Variants in LAMC1 observed in about 807,000 individuals in gnomAD.
LAMC1 encodes the protein laminin subunit gamma-1.
Under a neutral mutation model 173.6 loss-of-function variants are expected in LAMC1, and 38 were observed. The ratio of observed to expected loss-of-function variants is 0.22; its 90% CI spans 0.17 to 0.29. The LOEUF (loss-of-function observed/expected upper bound fraction) is 0.29, where lower values mean the gene tolerates loss of function less well. LAMC1 is among the 10% of genes least tolerant of loss of function. LAMC1 has a pLI of 1.00. For missense variants in LAMC1, 1,824 were observed against 2,051.8 expected, an observed-to-expected ratio of 0.89 and a Z score of 2.14; for synonymous variants, 746 against 749.1, an observed-to-expected ratio of 1.00 and a Z score of 0.07.
intron 1 of LAMC1, among the ~76,000 whole-genome samples, chr1:183,074,799 T>A (rs1655086838): frequency 6.6e-6 from 1 of 152,150 alleles, no homozygotes; most frequent in Admixed American, 6.5e-5. Flanking sequence ...TCTTGGAAAT[T>A]TTTTATTTAG....
chr1:183,076,832 C>T (rs925179710), intron 1 of LAMC1, among the ~76,000 whole-genome samples: 6 of 151,948 alleles, frequency 3.9e-5, no homozygotes, highest in African/African-American at 1.4e-4. Context: ...GCACTCAAAA[C>T]ATTTGTACAC....
intron 22 of LAMC1, 23 bp from the exon 23 acceptor site, chr1:183,134,637 G>A (rs1489421401): frequency 1.3e-6 from 2 of 1,597,120 alleles, no homozygotes; most frequent in Admixed American, 1.7e-5. Context: ...CCAAAGTGTA[G>A]TGATCTTACT....
chr1:183,061,547 A>AT (rs1338365271), intron 1 of LAMC1, among the ~76,000 whole-genome samples: 1 of 152,102 alleles, frequency 6.6e-6, no homozygotes, highest in African/African-American at 2.4e-5. Flanking sequence ...AACAACATCT[A>AT]TATCTTTTTT....
At chr1:183,085,499 A>T (rs1039328507) in intron 1 of LAMC1, among the ~76,000 whole-genome samples, 2 of 151,508 alleles carry the variant, frequency 1.3e-5, no homozygotes, top group East Asian at 3.9e-4. Context: ...AGGAGCTCGG[A>T]CCACAGGTGC....
intron 1 of LAMC1, among the ~76,000 whole-genome samples, chr1:183,077,551 C>A (rs1181726135): frequency 2.6e-5 from 4 of 151,780 alleles, no homozygotes; most frequent in Admixed American, 6.6e-5. Flanking sequence ...TGTCCCTTGC[C>A]CCCCTCCCAT....
At chr1:183,053,958 A>G (rs1654509905) in intron 1 of LAMC1, among the ~76,000 whole-genome samples, 1 of 152,156 alleles carries the variant, frequency 6.6e-6, no homozygotes, top group Non-Finnish European at 1.5e-5. Context: ...AAAAAGTGTT[A>G]AGATAGGTGA....
intron 1 of LAMC1, among the ~76,000 whole-genome samples, chr1:183,081,575 A>C (rs1485455894): frequency 6.6e-6 from 1 of 150,880 alleles, no homozygotes; most frequent in Non-Finnish European, 1.5e-5. Context: ...TAAATAAATA[A>C]ATAAATAAAT....
intron 8 of LAMC1, 115 bp downstream of exon 8, chr1:183,117,018 A>G (rs777199201): frequency 2.9e-6 from 3 of 1,040,190 alleles, no homozygotes; most frequent in Non-Finnish European, 4.2e-6. Flanking sequence ...AACACTTTGT[A>G]TTATTTAGCA....
chr1:183,141,804 A>G (rs1378773292), intron 27 of LAMC1, among the ~76,000 whole-genome samples: 2 of 152,244 alleles, frequency 1.3e-5, no homozygotes, highest in Admixed American at 6.5e-5. Flanking sequence ...TTTGTTGCCT[A>G]TAGGCTGTGC....
intron 10 of LAMC1, 87 bp from the exon 11 acceptor site, chr1:183,117,947 T>C: frequency 1.2e-6 from 1 of 838,908 alleles, no homozygotes; most frequent in Non-Finnish European, 2.0e-6. Context: ...AGCATTGCAT[T>C]GTTGGGGCAT....
chr1:183,077,342 C>G (rs1431223743), intron 1 of LAMC1, among the ~76,000 whole-genome samples: 1 of 152,144 alleles, frequency 6.6e-6, no homozygotes, highest in Admixed American at 6.5e-5. Context: ...GCAGGAATGC[C>G]TTTCCCTGTA....
At chr1:183,132,790 A>G (rs1656832416) in intron 21 of LAMC1, among the ~76,000 whole-genome samples, 1 of 152,262 alleles carries the variant, frequency 6.6e-6, no homozygotes, top group Non-Finnish European at 1.5e-5. Context: ...ATTGTGCACA[A>G]ATAAAGAAGA....
At chr1:183,124,397 A>G (rs142815707) in intron 13 of LAMC1, among the ~76,000 whole-genome samples, 1 of 152,232 alleles carries the variant, frequency 6.6e-6, no homozygotes, top group African/African-American at 2.4e-5. Context: ...CACAACAATT[A>G]AAGTGAAGTA....
intron 1 of LAMC1, among the ~76,000 whole-genome samples, chr1:183,042,576 G>C (rs538047964): frequency 6.6e-6 from 1 of 152,124 alleles, no homozygotes; most frequent in East Asian, 1.9e-4. Flanking sequence ...CCCAAGTTCT[G>C]GTCTTTCTGG....
rs757338834 is a variant in LAMC1, at chr1:183,023,902, T to C, written c.186T>C (p.Thr62=). The C allele has an allele frequency of 1.2e-6, 2 of 1,613,112 alleles. No homozygotes were observed. The highest frequency in any genetic ancestry group is 2.7e-5 in the African/African-American group (2 of 75,038). Reference sequence around the variant, plus strand: ...TCGTCAACGCCGCCTTCAACGTGACTGTGGTGGCCACCAACACGTGTGGGA... The same window carrying C: ...TCGTCAACGCCGCCTTCAACGTGACCGTGGTGGCCACCAACACGTGTGGGA... The part of the protein sequence containing the change: ...PEFVNAAFNV[T]VVATNTCGTP... Residue 62 remains threonine, a synonymous_variant, in exon 1 of 28, where the codon ACT becomes ACC. Coordinates refer to ENST00000258341, the MANE Select transcript of LAMC1 (RefSeq NM_002293.4).
At position 183,132,454 on chromosome 1, in the gene LAMC1, G is replaced by A. The variant is rs1261428031; in HGVS notation, c.3621G>A (p.Thr1207=). 5 of 1,612,826 alleles carry A rather than the reference G, an allele frequency of 3.1e-6. No individual in the cohort carries two copies. The highest frequency in any genetic ancestry group is 1.1e-5 in the South Asian group (1 of 91,064). ...GAGTGGCAAAGACAGCCAATGATAC[G>A]TCAACTGAGGCATACAACCTGCTTC... ...IVRVAKTAND[T]STEAYNLLLR... Residue 1207 remains threonine (T), a synonymous_variant, in exon 21 of 28, where the codon ACG becomes ACA. Transcript: ENST00000258341.
At chr1:183,081,050 G>C (rs867269935) in intron 1 of LAMC1, among the ~76,000 whole-genome samples, 1 of 151,768 alleles carries the variant, frequency 6.6e-6, no homozygotes, top group Non-Finnish European at 1.5e-5. Context: ...CACCACGCCC[G>C]GCTAATTTTT....
chr1:183,131,619 A>G (rs1486139226), intron 20 of LAMC1, among the ~76,000 whole-genome samples: 1 of 152,212 alleles, frequency 6.6e-6, no homozygotes, highest in Non-Finnish European at 1.5e-5. Context: ...TGGTTTGAAG[A>G]CAAATCATAT....
intron 17 of LAMC1, among the ~76,000 whole-genome samples, chr1:183,128,044 C>A (rs964730651): frequency 6.6e-6 from 1 of 151,994 alleles, no homozygotes; most frequent in Non-Finnish European, 1.5e-5. Context: ...TGTTTGGGGA[C>A]AGGATAGGAA....
Sources: gnomAD v4.1 joint callset for allele counts (sites outside exome capture counted in the v4.1 genomes callset) on GRCh38, gnomAD v4.1.1 for gene constraint, MANE v1.5 for transcripts, NCBI Gene and HGNC (gene_info 2026-07-23, HGNC 2026-07-21) for gene names.